LIN37: variants seen among roughly 807,000 people sequenced by gnomAD.
LIN37 encodes lin-37 DREAM MuvB core complex component, also known as protein lin-37 homolog.
In LIN37, 21 loss-of-function variants were observed where a neutral mutation model predicts 38.0. The ratio of observed to expected loss-of-function variants is 0.55; its 90% CI spans 0.39 to 0.80. The LOEUF (loss-of-function observed/expected upper bound fraction) is 0.80, where lower values mean the gene tolerates loss of function less well. Among genes scored for constraint, LIN37 ranks in the 30% least tolerant of loss-of-function variants. LIN37 has a pLI of 0.00. For missense variants in LIN37, 273 were observed against 338.5 expected (o/e 0.81, Z 1.52); for synonymous variants, 126 against 122.9 (o/e 1.03, Z -0.17).
rs1173486886 is a variant in LIN37 at position 35,753,069 on chromosome 19, C to T, written c.278-18C>T. 1 of 1,600,176 alleles carries T rather than the reference C, an allele frequency of 6.2e-7. No homozygotes were observed. The highest frequency in any genetic ancestry group is 2.3e-5 in the East Asian group (1 of 44,114). ...CTATGCAAGGATGCTCACACACCTC[C>T]CATCCCCACCTTCCCAGACACATAT... On this transcript the variant is annotated intron_variant, in intron 5 of 8. Coordinates refer to ENST00000301159, the MANE Select transcript of LIN37 (RefSeq NM_019104.3).
Position 35,748,707 on chromosome 19 carries a change from A to G in LIN37, c.-18A>G, listed in dbSNP as rs1437680659. On this transcript the variant is annotated 5_prime_UTR_variant, in exon 1 of 9. Coordinates refer to ENST00000301159, the MANE Select transcript of LIN37 (RefSeq NM_019104.3). Reference sequence around the variant, plus strand: ...TGGGGCGCCTCTGACCCAGCTAGCCAGATCCCGGACCCAAACCATGTTCCC... The same window carrying G: ...TGGGGCGCCTCTGACCCAGCTAGCCGGATCCCGGACCCAAACCATGTTCCC... The G allele has an allele frequency of 6.2e-7, 1 of 1,613,880 alleles. No individual in the cohort carries two copies. The highest frequency in any genetic ancestry group is 8.5e-7 in the Non-Finnish European group (1 of 1,179,776).
chr19:35,752,523 G>A (rs377044091), intron 3 of LIN37, 39 bp downstream of exon 3: 4 of 1,606,262 alleles, frequency 2.5e-6, no homozygotes, highest in Non-Finnish European at 3.4e-6. Context: ...GAGAGTTCGT[G>A]GTTGGTAACT....
At chr19:35,751,913 A>G (rs1568402093) in intron 1 of LIN37, 1 of 268,704 alleles carries the variant, frequency 3.7e-6, no homozygotes, top group African/African-American at 2.2e-5. Flanking sequence ...ATTAAAACAC[A>G]TTTTTTTAAA....
In LIN37 at chr19:35,754,147, C is replaced by G; in HGVS notation, c.575C>G (p.Pro192Arg). ...CTGCAGCCTGAGATGCAGGGCACCC[C>G]TGACGATGAGGTGAGTATGCCAGGC... ...SPLQPEMQGT[P>R]DDEPSEPEPS... The change falls in exon 7 of 9, where the codon CCT (proline) becomes CGT (arginine). Residue 192 changes from proline (P) to arginine (R), a missense_variant. Coordinates refer to ENST00000301159, the MANE Select transcript of LIN37 (RefSeq NM_019104.3). The G allele has an allele frequency of 6.2e-7, 1 of 1,613,996 alleles. No homozygotes were observed. The highest frequency in any genetic ancestry group is 1.1e-5 in the South Asian group (1 of 91,090).
At chr19:35,751,720 T>C (rs1970682411) in intron 1 of LIN37, among the ~76,000 whole-genome samples, 1 of 152,124 alleles carries the variant, frequency 6.6e-6, no homozygotes. Context: ...CAGTGGGTTA[T>C]TATTTGTAAT....
rs201802530 is a variant in LIN37, at chr19:35,752,409, G to A, written c.111-25G>A. The A allele has an allele frequency of 3.8e-4, 608 of 1,613,774 alleles. 1 individual carries two copies. Among genetic ancestry groups the A allele is most frequent in the Non-Finnish European group, 4.9e-4 (574 of 1,179,668 alleles). On this transcript the variant is annotated intron_variant, in intron 2 of 8. Coordinates refer to ENST00000301159, the MANE Select transcript of LIN37 (RefSeq NM_019104.3). The stretch of plus-strand genomic sequence containing the variant: ...CTTCTCTGGGGCCCTGGAACCCTGA[G>A]CTGAGAGATCTCTTCTGCCTCTAGG...
intron 1 of LIN37, among the ~76,000 whole-genome samples, chr19:35,749,306 A>G (rs554719455): frequency 6.6e-5 from 10 of 152,246 alleles, no homozygotes; most frequent in African/African-American, 2.2e-4. Flanking sequence ...CACAGTCACT[A>G]TATTCCAGTA....
In LIN37 at chr19:35,754,432, A is replaced by G. The variant is rs373762949; in HGVS notation, c.699A>G (p.Ser233=). ...EASHRNQLRY[S]ESMKILREMY... is the part of the protein sequence containing the mutation. ...CTCATCGGAACCAGCTTCGTTACTC[A>G]GAAAGCATGAAGATCCTACGAGAGA... is the stretch of plus-strand genomic sequence containing the variant. The change falls in exon 9 of 9, where the codon TCA becomes TCG. Residue 233 remains serine, a synonymous_variant. Transcript: ENST00000301159. 69 of 1,614,056 alleles carry G rather than the reference A, an allele frequency of 4.3e-5. No homozygotes were observed. In the Admixed American group the frequency reaches 5.2e-4, roughly 12 times the overall value.
Position 35,753,235 on chromosome 19 carries a change from G to A in LIN37, c.426G>A (p.Pro142=), listed in dbSNP as rs1283377672. ...RECSPSSPLP[P]LPEDEEGSEV... is the part of the protein sequence containing the mutation. ...GCTCTCCCAGCTCACCCCTGCCCCC[G>A]CTGCCTGAGGATGAGGAGGTGGGAT... The change falls in exon 6 of 9, where the codon CCG becomes CCA. Residue 142 remains proline, a synonymous_variant. Transcript: ENST00000301159. 5.8e-6 allele frequency: 9 copies of A among 1,551,600 alleles called. No individual in the cohort carries two copies. The Admixed American group carries it at 5.8e-5, about 10-fold the overall frequency.
At position 35,752,970 on chromosome 19, in the gene LIN37, G is replaced by T; in HGVS notation, c.248G>T (p.Gly83Val). The change falls in exon 5 of 9, where the codon GGG becomes GTG. Residue 83 changes from glycine to valine, a missense_variant. Transcript: ENST00000301159. The stretch of plus-strand genomic sequence containing the variant: ...AAGAAGAGGAGGGAGATGGATGATG[G>T]GCTGGCTGAGGGAGGGCCGCAGCGA... Reference protein sequence around the residue: ...RRKKRREMDDGLAEGGPQRSN... With the variant: ...RRKKRREMDDVLAEGGPQRSN... The T allele has an allele frequency of 6.4e-7, 1 of 1,571,814 alleles. No individual in the cohort carries two copies.
At chr19:35,752,546 C>A in intron 3 of LIN37, 62 bp downstream of exon 3, 1 of 1,547,540 alleles carries the variant, frequency 6.5e-7, no homozygotes, top group South Asian at 1.1e-5. Flanking sequence ...TTTCCTTATC[C>A]AAGCCCTGAC....
intron 4 of LIN37, 29 bp from the exon 5 acceptor site, chr19:35,752,885 C>T (rs1686266917): frequency 2.5e-6 from 4 of 1,591,242 alleles, no homozygotes; most frequent in African/African-American, 1.3e-5. Context: ...GCTCCTACCC[C>T]AGTCCTGACA....
chr19:35,748,968 C>T (rs1268227769), intron 1 of LIN37: 5 of 1,425,122 alleles, frequency 3.5e-6, no homozygotes, highest in East Asian at 2.7e-5. Flanking sequence ...TGGGGTGGCT[C>T]GGGCAATGAC....
chr19:35,751,279 C>T (rs962628038), intron 1 of LIN37, among the ~76,000 whole-genome samples: 22 of 152,198 alleles, frequency 1.4e-4, no homozygotes, highest in African/African-American at 5.3e-4. Context: ...CAAGATTATG[C>T]CACTGCATTC....
At chr19:35,750,663 G>A (rs1246195600) in intron 1 of LIN37, among the ~76,000 whole-genome samples, 1 of 151,032 alleles carries the variant, frequency 6.6e-6, no homozygotes, top group African/African-American at 2.4e-5. Context: ...GATGTTTTAG[G>A]TGAAATCTCC....
rs1970696448 is a variant in LIN37 at position 35,752,790 on chromosome 19, G to A, written c.162-14G>A. On this transcript the variant is annotated splice_polypyrimidine_tract_variant and intron_variant, in intron 3 of 8. Coordinates refer to ENST00000301159, the MANE Select transcript of LIN37 (RefSeq NM_019104.3). Reference sequence around the variant, plus strand: ...ACAGGCGTTTGTCTGAGGGTCAACTGTCTTTCCCCACAGGGACTGCTCCAT... The same window carrying A: ...ACAGGCGTTTGTCTGAGGGTCAACTATCTTTCCCCACAGGGACTGCTCCAT... 1 of 1,608,770 alleles carries A rather than the reference G, an allele frequency of 6.2e-7. No individual in the cohort carries two copies. Among genetic ancestry groups the A allele is most frequent in the Non-Finnish European group, 8.5e-7 (1 of 1,178,014 alleles).
At chr19:35,749,804 CAAA>C (rs756915934) in intron 1 of LIN37, among the ~76,000 whole-genome samples, 4 of 87,306 alleles carry the variant, frequency 4.6e-5, no homozygotes, top group Non-Finnish European at 2.5e-5. Context: ...GACCCTGTCT[CAAA>C]AAAAAAAAAA....
Position 35,748,878 on chromosome 19 carries a change from A to AATCGCTGT in LIN37, c.34+124_34+131dup. On this transcript the variant is annotated intron_variant, in intron 1 of 8. Transcript: ENST00000301159. ...GACTTTTCCCTGAAGCCCACCTGAC[A>AATCGCTGT]ATCGCTGTATCAGGCAGCGAGCGTT... 3 of 1,593,558 alleles carry AATCGCTGT rather than the reference A, an allele frequency of 1.9e-6. No homozygotes were observed. The Admixed American group carries it at 5.0e-5, about 27-fold the overall frequency.
chr19:35,748,719 CA>C lies in LIN37; in HGVS notation c.-3del, dbSNP rs1466241944. The C allele has an allele frequency of 6.2e-7, 1 of 1,613,912 alleles. No homozygotes were observed. Among genetic ancestry groups the C allele is most frequent in the Non-Finnish European group, 8.5e-7 (1 of 1,179,814 alleles). On this transcript the variant is annotated 5_prime_UTR_variant, in exon 1 of 9. Transcript: ENST00000301159. ...GACCCAGCTAGCCAGATCCCGGACC[CA>C]AACCATGTTCCCTGTGAAGGTGAAA...
Sources: allele counts gnomAD v4.1 joint callset (sites outside exome capture counted in the v4.1 genomes callset), GRCh38; gene constraint gnomAD v4.1.1; transcripts MANE v1.5; gene names NCBI Gene and HGNC (gene_info 2026-07-23, HGNC 2026-07-21).